DNAH11: variants seen among roughly 807,000 people sequenced by gnomAD.
DNAH11 encodes axonemal beta dynein heavy chain 11.
A neutral mutation model predicts 526.0 loss-of-function variants in DNAH11; 442 were observed. That is an observed-to-expected ratio of 0.84 (90% confidence interval 0.78 to 0.91). The LOEUF is 0.91. Ranked by LOEUF, DNAH11 falls within the 40% of genes least tolerant of loss-of-function variation. The pLI is 0.00. For missense variants in DNAH11, 6,989 were observed against 5,448.7 expected (o/e 1.28, Z -8.90); for synonymous variants, 2,461 against 1,935.9 (o/e 1.27, Z -7.12).
At chr7:21,816,727 C>G in intron 64 of DNAH11, 25 bp downstream of exon 64, 1 of 1,598,298 alleles carries the variant, frequency 6.3e-7, no homozygotes. Flanking sequence ...AAGAGACTGG[C>G]TTTCTGTTTA....
At chr7:21,740,077 A>G (rs534957160) in intron 48 of DNAH11, among the ~76,000 whole-genome samples, 2 of 152,172 alleles carry the variant, frequency 1.3e-5, no homozygotes, top group East Asian at 3.8e-4. Flanking sequence ...ACATATAATG[A>G]CAAGTATCAG....
intron 54 of DNAH11, among the ~76,000 whole-genome samples, chr7:21,753,234 A>G (rs1786488951): frequency 6.6e-6 from 1 of 152,092 alleles, no homozygotes; most frequent in African/African-American, 2.4e-5. Flanking sequence ...GGGGGAAGGA[A>G]GGGGAAGAGG....
chr7:21,661,555 T>A (rs1484427731), intron 30 of DNAH11, among the ~76,000 whole-genome samples: 2 of 152,144 alleles, frequency 1.3e-5, no homozygotes, highest in African/African-American at 2.4e-5. Flanking sequence ...GCTATCTGTC[T>A]TGTTTTGGGG....
At position 21,572,590 on chromosome 7, in the gene DNAH11, C is replaced by T. The variant is rs4645483; in HGVS notation, c.1593+617C>T. The stretch of plus-strand genomic sequence containing the variant: ...CATTTTAGTAGTTTGCCAAGAACAG[C>T]GAAGCCCAAGTCCAAAAGAATGAAG... On this transcript the variant is annotated intron_variant, in intron 8 of 81. Transcript: ENST00000409508. Among the ~76,000 whole-genome samples, 837 of 152,168 alleles carry T rather than the reference C, an allele frequency of 5.5e-3. 16 individuals are homozygous for T. Among genetic ancestry groups the T allele is most frequent in the African/African-American group, 0.019 (793 of 41,494 alleles).
rs775519617 is a variant in DNAH11, at chr7:21,687,481, G to C, written c.5878G>C (p.Val1960Leu). 1 of 1,613,722 alleles carries C rather than the reference G, an allele frequency of 6.2e-7. No individual in the cohort carries two copies. The highest frequency in any genetic ancestry group is 1.1e-5 in the South Asian group (1 of 90,994). Residue 1960 changes from valine to leucine, a missense_variant, in exon 34 of 82, where the codon GTA (valine) becomes CTA (leucine). By Grantham distance (32) the Val-to-Leu change is conservative. Coordinates refer to ENST00000409508, the MANE Select transcript of DNAH11 (RefSeq NM_001277115.2). The part of the protein sequence containing the change: ...ISVEVLSVVA[V>L]QVKMIHDAIR... ...TGTGGAAGTTCTGTCAGTGGTGGCAGTACAAGTGAAAATGATTCATGATGC... is the reference window on the plus strand; with the variant it reads ...TGTGGAAGTTCTGTCAGTGGTGGCACTACAAGTGAAAATGATTCATGATGC...
At chr7:21,862,112 A>C in intron 69 of DNAH11, 89 bp downstream of exon 69, 2 of 1,273,908 alleles carry the variant, frequency 1.6e-6, no homozygotes, top group South Asian at 3.4e-5. Context: ...CTGAAGCAAA[A>C]TATAATAGAC....
intron 62 of DNAH11, among the ~76,000 whole-genome samples, chr7:21,803,657 G>A (rs2127994495): frequency 6.6e-6 from 1 of 151,984 alleles, no homozygotes; most frequent in Admixed American, 6.6e-5. Flanking sequence ...TTGAAGTCTG[G>A]AAAAGTGGGG....
Position 21,866,641 on chromosome 7 carries a change from G to A in DNAH11, c.11668G>A (p.Asp3890Asn). 6.2e-7 allele frequency: 1 copy of A among 1,613,130 alleles called. No individual in the cohort carries two copies. Among genetic ancestry groups the A allele is most frequent in the South Asian group, 1.1e-5 (1 of 90,884 alleles). Residue 3890 changes from aspartate to asparagine, a missense_variant, in exon 71 of 82, where the codon GAC becomes AAC. Coordinates refer to ENST00000409508, the MANE Select transcript of DNAH11 (RefSeq NM_001277115.2). ...KLILLRAMRP[D>N]RMTYALRNFV... ...GATTCTTCTGAGAGCAATGCGCCCT[G>A]ACAGAATGACGTATGCTCTCAGGTG...
chr7:21,606,291 C>G, intron 18 of DNAH11, 135 bp from the exon 19 acceptor site: 1 of 726,418 alleles, frequency 1.4e-6, no homozygotes, highest in Non-Finnish European at 2.2e-6. Flanking sequence ...CCAGTGCACT[C>G]CAGCCTAGGG....
chr7:21,549,541 G>T lies in DNAH11; in HGVS notation c.495+4392G>T, dbSNP rs541100687. Among the ~76,000 whole-genome samples, 3 of 152,230 alleles carry T rather than the reference G, an allele frequency of 2.0e-5. No individual in the cohort carries two copies. The South Asian group carries it at 6.2e-4, about 32-fold the overall frequency. On this transcript the variant is annotated intron_variant, in intron 2 of 81. Coordinates refer to ENST00000409508, the MANE Select transcript of DNAH11 (RefSeq NM_001277115.2). Reference sequence around the variant, plus strand: ...TAGTTTGAGAACAAATTGCCCTAGGGGGGTTTTTCCCTGTGGTGTTTGCAC... The same window carrying T: ...TAGTTTGAGAACAAATTGCCCTAGGTGGGTTTTTCCCTGTGGTGTTTGCAC...
Position 21,559,604 on chromosome 7 carries a change from C to G in DNAH11, c.694C>G (p.Pro232Ala). Reference protein sequence around the residue: ...DLDQNCSENKPPSNERIILHA... With the variant: ...DLDQNCSENKAPSNERIILHA... Reference sequence around the variant, plus strand: ...ATTTTATTATCTTAATGTTTGTAGGCCACCGTCAAACGAAAGGATAATACT... The same window carrying G: ...ATTTTATTATCTTAATGTTTGTAGGGCACCGTCAAACGAAAGGATAATACT... The change falls in exon 4 of 82, where the codon CCA (proline) becomes GCA (alanine). Residue 232 changes from proline to alanine, a missense_variant and splice_region_variant. Transcript: ENST00000409508. The G allele has an allele frequency of 6.3e-7, 1 of 1,597,668 alleles. No individual in the cohort carries two copies. The highest frequency in any genetic ancestry group is 8.5e-7 in the Non-Finnish European group (1 of 1,171,922).
Position 21,613,256 on chromosome 7 carries a change from A to G in DNAH11, c.3853-1858A>G, listed in dbSNP as rs368187679. Among the ~76,000 whole-genome samples, 14 of 152,344 alleles carry G rather than the reference A, an allele frequency of 9.2e-5. No homozygotes were observed. In the East Asian group the frequency reaches 1.9e-3, roughly 21 times the overall value. ...ACTGCATTTCACAAACATAAATTTT[A>G]ACATTTAGCGCTTAGCAATACATTA... On this transcript the variant is annotated intron_variant, in intron 20 of 81. Coordinates refer to ENST00000409508, the MANE Select transcript of DNAH11 (RefSeq NM_001277115.2).
Position 21,786,640 on chromosome 7 carries a change from T to C in DNAH11, c.9614T>C (p.Leu3205Pro). Residue 3205 changes from leucine to proline, a missense_variant, in exon 59 of 82, where the codon CTG becomes CCG. Coordinates refer to ENST00000409508, the MANE Select transcript of DNAH11 (RefSeq NM_001277115.2). ...TTTCTTCAGGTCAACCTCAGTGAGCTGAAAGCCTTTCCCAACCCTCCCATC... is the reference window on the plus strand; with the variant it reads ...TTTCTTCAGGTCAACCTCAGTGAGCCGAAAGCCTTTCCCAACCCTCCCATC... ...NTLNRVNLSELKAFPNPPIAV... is the reference protein window; with the variant it reads ...NTLNRVNLSEPKAFPNPPIAV... 1 of 1,613,246 alleles carries C rather than the reference T, an allele frequency of 6.2e-7. No homozygotes were observed. Among genetic ancestry groups the C allele is most frequent in the Non-Finnish European group, 8.5e-7 (1 of 1,179,376 alleles).
chr7:21,703,711 C>T (rs780890738), intron 37 of DNAH11: 14 of 152,072 alleles, frequency 9.2e-5, no homozygotes, highest in African/African-American at 2.2e-4. Flanking sequence ...CATATCAATA[C>T]ATATCACCAT....
chr7:21,615,909 A>G (rs1785754738), intron 21 of DNAH11, among the ~76,000 whole-genome samples: 1 of 152,214 alleles, frequency 6.6e-6, no homozygotes, highest in African/African-American at 2.4e-5. Flanking sequence ...GTTATTTAAT[A>G]ATCTACTTAT....
Position 21,720,781 on chromosome 7 carries a change from C to G in DNAH11, c.7191C>G (p.Ser2397Arg), listed in dbSNP as rs1371364381. 1.2e-6 allele frequency: 2 copies of G among 1,605,896 alleles called. No individual in the cohort carries two copies. Among genetic ancestry groups the G allele is most frequent in the African/African-American group, 2.7e-5 (2 of 74,824 alleles). Residue 2397 changes from serine to arginine, a missense_variant, in exon 44 of 82, where the codon AGC becomes AGG. By Grantham distance (110) the Ser-to-Arg change is moderately radical (BLOSUM62 -1). Transcript: ENST00000409508. ...CTCCTGAAAATGTACCTTCTGACAG[C>G]CCAAAAGAAGTTTATGAAGTCTATT... ...LLTPENVPSD[S>R]PKEVYEVYFV... is the part of the protein sequence containing the mutation.
chr7:21,647,515 C>T (rs1191977300), intron 28 of DNAH11, among the ~76,000 whole-genome samples: 6 of 149,614 alleles, frequency 4.0e-5, no homozygotes, highest in South Asian at 2.1e-4. Flanking sequence ...CTGCAGGCTC[C>T]GCCTCCCAGG....
intron 25 of DNAH11, among the ~76,000 whole-genome samples, chr7:21,631,705 A>T (rs1786618425): frequency 6.6e-6 from 1 of 152,216 alleles, no homozygotes; most frequent in Admixed American, 6.5e-5. Context: ...AGTCTTGGGC[A>T]GCTCCGCCTC....
intron 28 of DNAH11, among the ~76,000 whole-genome samples, chr7:21,647,190 A>G (rs1468966733): frequency 6.6e-6 from 1 of 152,198 alleles, no homozygotes; most frequent in Non-Finnish European, 1.5e-5. Flanking sequence ...AAAGTTCTCC[A>G]AATTGATGAA....
Sources: allele counts gnomAD v4.1 joint callset (sites outside exome capture counted in the v4.1 genomes callset), GRCh38; gene constraint gnomAD v4.1.1; transcripts MANE v1.5; gene names NCBI Gene and HGNC (gene_info 2026-07-23, HGNC 2026-07-21).